ACADL: variants seen among roughly 807,000 people sequenced by gnomAD.
ACADL encodes acyl-CoA dehydrogenase long chain.
Under a neutral mutation model 56.9 loss-of-function variants are expected in ACADL, and 60 were observed. That is an observed-to-expected ratio of 1.05 (90% confidence interval 0.86 to 1.31). The LOEUF (loss-of-function observed/expected upper bound fraction) is 1.31. ACADL is among the 50% of genes most tolerant of loss of function. The probability of loss-of-function intolerance (pLI) is 0.00; values close to 1 mark genes in which losing one functional copy is unlikely to be tolerated. For missense variants in ACADL, 484 were observed against 525.5 expected (o/e 0.92, Z 0.77); for synonymous variants, 158 against 179.7 (o/e 0.88, Z 0.97).
intron 8 of ACADL, among the ~76,000 whole-genome samples, chr2:210,201,352 A>G (rs1688790331): frequency 6.6e-6 from 1 of 152,168 alleles, no homozygotes; most frequent in African/African-American, 2.4e-5. Flanking sequence ...CTACAACATA[A>G]TCCTCACAAC....
chr2:210,200,585 ATCAAG>A (rs1236113344), intron 8 of ACADL, among the ~76,000 whole-genome samples: 4 of 152,232 alleles, frequency 2.6e-5, no homozygotes, highest in Non-Finnish European at 4.4e-5. Context: ...TCAGAATTTA[ATCAAG>A]TCAAGTCATA....
At chr2:210,220,546 T>C in intron 2 of ACADL, 101 bp downstream of exon 2, 1 of 1,104,728 alleles carries the variant, frequency 9.1e-7, no homozygotes, top group Non-Finnish European at 1.4e-6. Context: ...AATAAAGCCC[T>C]GAACATACTA....
chr2:210,207,669 G>A (rs1688910118), intron 5 of ACADL, among the ~76,000 whole-genome samples: 1 of 152,074 alleles, frequency 6.6e-6, no homozygotes, highest in East Asian at 1.9e-4. Context: ...AATAGTAGGG[G>A]TATAAAATGA....
At chr2:210,190,923 G>GT (rs55775332) in intron 10 of ACADL, among the ~76,000 whole-genome samples, 108,136 of 142,244 alleles carry the variant, frequency 0.76, 42,759 homozygotes, top group East Asian at 0.98. Flanking sequence ...GTTGTTGTTT[G>GT]TTTTTTTTTT....
chr2:210,218,100 C>T lies in ACADL; in HGVS notation c.236G>A (p.Trp79Ter), dbSNP rs777808802. ...QEEVIPHHSE[W>*]EKAGEVSREV... Reference sequence around the variant, plus strand: ...CCTACTTACTTCTCCAGCTTTCTCCCATCTGCAAATAACAAATATTTTAAA... The same window carrying T: ...CCTACTTACTTCTCCAGCTTTCTCCTATCTGCAAATAACAAATATTTTAAA... Residue 79 changes from tryptophan to a stop codon, truncating the protein, a stop_gained and splice_region_variant, in exon 3 of 11, where the codon TGG (tryptophan) becomes TAG (stop). Coordinates refer to ENST00000233710, the MANE Select transcript of ACADL (RefSeq NM_001608.4). LOFTEE classifies it high-confidence loss of function. 6.8e-6 allele frequency: 11 copies of T among 1,613,324 alleles called. No individual in the cohort carries two copies. The highest frequency in any genetic ancestry group is 9.3e-6 in the Non-Finnish European group (11 of 1,179,612).
chr2:210,220,389 C>T (rs1368535871), intron 2 of ACADL, among the ~76,000 whole-genome samples: 1 of 152,076 alleles, frequency 6.6e-6, no homozygotes, highest in Non-Finnish European at 1.5e-5. Context: ...TTACCACTTA[C>T]CCATGGTTTT....
chr2:210,216,508 A>G lies in ACADL; in HGVS notation c.375T>C (p.Ala125=), dbSNP rs749040869. The change falls in exon 4 of 11, where the codon GCT becomes GCC. Residue 125 remains alanine, a synonymous_variant. Transcript: ENST00000233710. ...AACCTGGGCCTGAACAATTTGAATA[A>G]GCTCTTAGAATGAAAAAAGAAGAAA... The part of the protein sequence containing the change: ...YSAAIVWEEQ[A]YSNCSGPGFS... 1.2e-6 allele frequency: 2 copies of G among 1,612,896 alleles called. No individual in the cohort carries two copies. Among genetic ancestry groups the G allele is most frequent in the East Asian group, 4.5e-5 (2 of 44,836 alleles).
chr2:210,201,972 GTAGTT>G (rs1189945328), intron 8 of ACADL, among the ~76,000 whole-genome samples: 3 of 152,144 alleles, frequency 2.0e-5, no homozygotes, highest in Non-Finnish European at 2.9e-5. Flanking sequence ...AAAGCAGAAA[GTAGTT>G]TAGTTTCTCA....
intron 1 of ACADL, among the ~76,000 whole-genome samples, chr2:210,224,017 G>A (rs1689222296): frequency 1.3e-5 from 2 of 151,966 alleles, no homozygotes; most frequent in Admixed American, 1.3e-4. Flanking sequence ...CACGAGGTCA[G>A]GAGTTTGAGC....
At chr2:210,218,157 C>G in intron 2 of ACADL, 55 bp from the exon 3 acceptor site, 2 of 1,489,630 alleles carry the variant, frequency 1.3e-6, no homozygotes, top group South Asian at 2.4e-5. Context: ...ATTTAAATGG[C>G]CACAACTTTG....
chr2:210,207,952 G>A (rs533374613), intron 5 of ACADL, among the ~76,000 whole-genome samples: 1 of 152,262 alleles, frequency 6.6e-6, no homozygotes, highest in Non-Finnish European at 1.5e-5. Context: ...TGAAAAAGAT[G>A]TTCCTCAAAA....
intron 2 of ACADL, 111 bp from the exon 3 acceptor site, chr2:210,218,213 A>T: frequency 1.0e-6 from 1 of 994,678 alleles, no homozygotes; most frequent in Non-Finnish European, 1.5e-6. Flanking sequence ...AATTTAAGGT[A>T]GTTATTTACA....
In ACADL at chr2:210,204,604, A is replaced by C; in HGVS notation, c.847T>G (p.Tyr283Asp). ...ACCTGTGGAAGCTCTTTCATGATGT[A>C]ATAGAAGCCTTTATTCTCTTCTCCA... ...LLGEENKGFY[Y>D]IMKELPQERL... is the part of the protein sequence containing the mutation. The change falls in exon 7 of 11, where the codon TAC becomes GAC. Residue 283 changes from tyrosine to aspartate, a missense_variant. Tyr to Asp is a radical substitution (Grantham distance 160). Transcript: ENST00000233710. 6.2e-7 allele frequency: 1 copy of C among 1,610,406 alleles called. No homozygotes were observed. The highest frequency in any genetic ancestry group is 8.5e-7 in the Non-Finnish European group (1 of 1,176,838).
intron 8 of ACADL, 92 bp from the exon 9 acceptor site, chr2:210,195,430 A>T: frequency 7.4e-7 from 1 of 1,359,528 alleles, no homozygotes; most frequent in Admixed American, 1.7e-5. Flanking sequence ...ACAATAAAAG[A>T]TCTTTAGGGC....
chr2:210,208,378 C>T (rs556708594), intron 5 of ACADL, among the ~76,000 whole-genome samples: 15 of 152,216 alleles, frequency 9.9e-5, no homozygotes, highest in Admixed American at 5.9e-4. Context: ...TACAACAGTG[C>T]GACCTAAAGT....
At chr2:210,201,255 T>A (rs1688787534) in intron 8 of ACADL, among the ~76,000 whole-genome samples, 1 of 152,144 alleles carries the variant, frequency 6.6e-6, no homozygotes, top group South Asian at 2.1e-4. Context: ...CTTTCTCCTT[T>A]TCATTTAATA....
At chr2:210,191,018 G>A (rs1203548820) in intron 10 of ACADL, among the ~76,000 whole-genome samples, 1 of 151,138 alleles carries the variant, frequency 6.6e-6, no homozygotes. Flanking sequence ...TCGGGTTAGA[G>A]CGATTCTCAT....
chr2:210,206,633 A>T (rs928903125), intron 5 of ACADL, among the ~76,000 whole-genome samples: 2 of 152,156 alleles, frequency 1.3e-5, no homozygotes, highest in Non-Finnish European at 2.9e-5. Context: ...AATGAGAGGG[A>T]TTATCAGATG....
chr2:210,202,497 TC>T (rs2125711673), intron 8 of ACADL, among the ~76,000 whole-genome samples: 1 of 152,234 alleles, frequency 6.6e-6, no homozygotes, highest in African/African-American at 2.4e-5. Flanking sequence ...GCTCCTTTCT[TC>T]CTGTGCAAAT....
Sources: gnomAD v4.1 joint callset for allele counts (sites outside exome capture counted in the v4.1 genomes callset) on GRCh38, gnomAD v4.1.1 for gene constraint, MANE v1.5 for transcripts, NCBI Gene and HGNC (gene_info 2026-07-23, HGNC 2026-07-21) for gene names.